IMMP2L: variants seen among roughly 807,000 people sequenced by gnomAD.
The protein encoded by IMMP2L is inner mitochondrial membrane peptidase subunit 2.
IMMP2L carries 18 observed loss-of-function variants against 19.3 expected under a neutral mutation model. That is an observed-to-expected ratio of 0.93 (90% CI 0.64 to 1.38). The LOEUF (loss-of-function observed/expected upper bound fraction) is 1.38. Ranked by LOEUF, IMMP2L falls within the 40% of genes most tolerant of loss-of-function variation. The probability of loss-of-function intolerance (pLI) is 0.00; values close to 1 mark genes in which losing one functional copy is unlikely to be tolerated. For synonymous variants in IMMP2L, 76 were observed against 73.0 expected (o/e 1.04, Z -0.21); for missense variants, 233 against 218.2 (o/e 1.07, Z -0.43).
intron 4 of IMMP2L, among the ~76,000 whole-genome samples, chr7:110,917,133 A>C (rs1813699694): frequency 6.6e-6 from 1 of 152,208 alleles, no homozygotes; most frequent in African/African-American, 2.4e-5. Context: ...AAGAGAAGTC[A>C]CATAAAGATG....
At chr7:111,002,901 G>T (rs891511875) in intron 3 of IMMP2L, among the ~76,000 whole-genome samples, 4 of 152,156 alleles carry the variant, frequency 2.6e-5, no homozygotes, top group Non-Finnish European at 5.9e-5. Flanking sequence ...CCATGAGACT[G>T]AAAACCTTGG....
intron 1 of IMMP2L, among the ~76,000 whole-genome samples, chr7:111,542,784 T>C (rs1331904832): frequency 6.6e-6 from 1 of 152,186 alleles, no homozygotes; most frequent in African/African-American, 2.4e-5. Flanking sequence ...ACAAAGTCTA[T>C]ATGGAACATC....
intron 5 of IMMP2L, among the ~76,000 whole-genome samples, chr7:110,741,386 G>C (rs1286153810): frequency 6.6e-6 from 1 of 152,232 alleles, no homozygotes; most frequent in African/African-American, 2.4e-5. Flanking sequence ...CAGTGTGATT[G>C]TAGCAAGAAG....
chr7:111,364,068 G>A (rs1829525468), intron 3 of IMMP2L, among the ~76,000 whole-genome samples: 1 of 151,524 alleles, frequency 6.6e-6, no homozygotes, highest in South Asian at 2.1e-4. Flanking sequence ...TCTTTGTACT[G>A]TCACAGCACT....
At chr7:111,084,143 CAAGGT>C (rs1490720275) in intron 3 of IMMP2L, among the ~76,000 whole-genome samples, 1 of 151,496 alleles carries the variant, frequency 6.6e-6, no homozygotes, top group East Asian at 1.9e-4. Context: ...TTGCAGCAGC[CAAGGT>C]AAGAGACGAT....
At chr7:111,081,928 G>T (rs1434779985) in intron 3 of IMMP2L, among the ~76,000 whole-genome samples, 1 of 152,220 alleles carries the variant, frequency 6.6e-6, no homozygotes, top group Admixed American at 6.5e-5. Context: ...ATGATTGCCT[G>T]ATATTTTAAG....
At chr7:111,395,532 T>C (rs958716673) in intron 3 of IMMP2L, among the ~76,000 whole-genome samples, 22 of 152,186 alleles carry the variant, frequency 1.4e-4, no homozygotes, top group African/African-American at 4.8e-4. Flanking sequence ...ATAGTACAGG[T>C]ACAAAATTTC....
intron 1 of IMMP2L, among the ~76,000 whole-genome samples, chr7:111,542,743 A>G (rs1233644031): frequency 6.6e-6 from 1 of 152,156 alleles, no homozygotes; most frequent in Non-Finnish European, 1.5e-5. Flanking sequence ...GTCTCATTCA[A>G]ATGGAGAAGG....
At chr7:111,453,931 C>T (rs1340484612) in intron 3 of IMMP2L, among the ~76,000 whole-genome samples, 1 of 152,084 alleles carries the variant, frequency 6.6e-6, no homozygotes, top group Non-Finnish European at 1.5e-5. Context: ...AAATTAAATA[C>T]CAGACTTTCA....
intron 2 of IMMP2L, among the ~76,000 whole-genome samples, chr7:111,506,043 G>A (rs1300011014): frequency 6.6e-6 from 1 of 151,890 alleles, no homozygotes; most frequent in Non-Finnish European, 1.5e-5. Flanking sequence ...GGAGGCGGGA[G>A]GATGGCTCCA....
At chr7:111,349,773 G>A (rs1732966984) in intron 3 of IMMP2L, among the ~76,000 whole-genome samples, 1 of 152,002 alleles carries the variant, frequency 6.6e-6, no homozygotes, top group African/African-American at 2.4e-5. Flanking sequence ...TCTTAGTAGG[G>A]CCAAATCATG....
intron 3 of IMMP2L, among the ~76,000 whole-genome samples, chr7:111,437,615 T>A (rs1837310959): frequency 2.0e-5 from 3 of 151,976 alleles, no homozygotes; most frequent in African/African-American, 7.3e-5. Flanking sequence ...TTTTATTTTT[T>A]AAATTACCAG....
chr7:111,029,165 T>C lies in IMMP2L; in HGVS notation c.240-65600A>G, dbSNP rs911504389. ...GAGTTCTCAATAGATTTAAAAGTCA[T>C]GGACATTGATCCAATTTCCATAAAC... On this transcript the variant is annotated intron_variant, in intron 3 of 5. Coordinates refer to ENST00000405709, the MANE Select transcript of IMMP2L (RefSeq NM_032549.4). Among the ~76,000 whole-genome samples, 2 of 152,178 alleles carry C rather than the reference T, an allele frequency of 1.3e-5. 1 individual carries two copies. The highest frequency in any genetic ancestry group is 4.1e-4 in the South Asian group (2 of 4,834).
At chr7:110,817,682 C>T (rs540083768) in intron 5 of IMMP2L, among the ~76,000 whole-genome samples, 63 of 151,950 alleles carry the variant, frequency 4.1e-4, no homozygotes, top group Middle Eastern at 3.4e-3. Context: ...AGAACAAAGC[C>T]GGAAGCATCA....
At chr7:110,790,370 C>T (rs960082259) in intron 5 of IMMP2L, among the ~76,000 whole-genome samples, 15 of 151,780 alleles carry the variant, frequency 9.9e-5, no homozygotes, top group South Asian at 2.1e-4. Flanking sequence ...ATCTGAGTGG[C>T]ATTTTTAAAA....
chr7:111,523,589 T>C (rs1846557976), intron 1 of IMMP2L, among the ~76,000 whole-genome samples: 1 of 152,080 alleles, frequency 6.6e-6, no homozygotes, highest in Admixed American at 6.5e-5. Flanking sequence ...TCTTGTTTTT[T>C]ATACTTTTAT....
At chr7:111,016,097 C>G (rs1366167474) in intron 3 of IMMP2L, among the ~76,000 whole-genome samples, 1 of 151,824 alleles carries the variant, frequency 6.6e-6, no homozygotes, top group African/African-American at 2.4e-5. Context: ...ATTCTCTTGC[C>G]TGAGATTTAG....
chr7:110,758,034 GAGATAGGAAGAAAAACT>G lies in IMMP2L; in HGVS notation c.409-94330_409-94314del, dbSNP rs934902482. On this transcript the variant is annotated intron_variant, in intron 5 of 5. Coordinates refer to ENST00000405709, the MANE Select transcript of IMMP2L (RefSeq NM_032549.4). The surrounding 1 kb of genome is among the most constrained non-coding windows in gnomAD (Gnocchi z 4.6). ...TTTCTACTAACCACCAAGTAAATAT[GAGATAGGAAGAAAAACT>G]AGAAGAATATGTTGCCCTAGGAGTT... Among the ~76,000 whole-genome samples the G allele has an allele frequency of 6.6e-6, 1 of 152,100 alleles. No homozygotes were observed. Among genetic ancestry groups the G allele is most frequent in the African/African-American group, 2.4e-5 (1 of 41,422 alleles).
chr7:111,326,212 A>G (rs1825300891), intron 3 of IMMP2L, among the ~76,000 whole-genome samples: 1 of 151,776 alleles, frequency 6.6e-6, no homozygotes, highest in South Asian at 2.1e-4. Flanking sequence ...GTTCATCATA[A>G]TACCTCAATT....
Sources: allele counts gnomAD v4.1 joint callset (sites outside exome capture counted in the v4.1 genomes callset), GRCh38; gene constraint gnomAD v4.1.1; non-coding constraint Gnocchi (gnomAD v3.1); transcripts MANE v1.5; gene names NCBI Gene and HGNC (gene_info 2026-07-23, HGNC 2026-07-21).